Variants in ZNF419 observed in about 807,000 individuals in gnomAD.
ZNF419 encodes zinc finger protein 419.
ZNF419 carries 8 observed loss-of-function variants against 14.9 expected under a neutral mutation model. That is an observed-to-expected ratio of 0.54 (90% CI 0.32 to 0.97). The LOEUF is 0.97. Ranked by LOEUF, ZNF419 falls within the 50% of genes least tolerant of loss-of-function variation. ZNF419 has a pLI of 0.04. For missense variants in ZNF419, 595 were observed against 607.2 expected, an observed-to-expected ratio of 0.98 and a Z score of 0.21; for synonymous variants, 211 against 205.3, an observed-to-expected ratio of 1.03 and a Z score of -0.24.
intron 2 of ZNF419, chr19:57,491,070 A>C: frequency 4.9e-6 from 1 of 204,344 alleles, no homozygotes; most frequent in Non-Finnish European, 1.0e-5. Flanking sequence ...ACATGAGGTG[A>C]TGTAGAGGGT....
chr19:57,493,273 T>A lies in ZNF419; in HGVS notation c.716T>A (p.Leu239Ter). ...KTYECSECGK[L>*]FRDMSNLFIH... is the part of the protein sequence containing the mutation. The stretch of plus-strand genomic sequence containing the variant: ...TATGAATGCAGTGAATGTGGGAAGT[T>A]ATTTAGAGATATGTCCAACCTTTTT... The change falls in exon 5 of 5, where the codon TTA (leucine) becomes TAA (stop). Residue 239 changes from leucine (L) to a stop codon, truncating the protein, a stop_gained. Coordinates refer to ENST00000221735, the MANE Select transcript of ZNF419 (RefSeq NM_024691.4). LOFTEE classifies it low-confidence loss of function (END_TRUNC). The A allele has an allele frequency of 6.2e-7, 1 of 1,614,252 alleles. No homozygotes were observed. Among genetic ancestry groups the A allele is most frequent in the Non-Finnish European group, 8.5e-7 (1 of 1,180,048 alleles).
rs187902519 is a variant in ZNF419 at position 57,489,444 on chromosome 19, A to G, written c.34-703A>G. On this transcript the variant is annotated intron_variant, in intron 1 of 4. Transcript: ENST00000221735. ...AGTATCACATTCTTAATTTAAAAGT[A>G]AGTTTAAGAAACCCATATTTTCTTT... 2.0e-5 allele frequency: 3 copies of G among 152,152 alleles called. No homozygotes were observed. In the East Asian group the frequency reaches 5.8e-4, roughly 29 times the overall value. 9.4% of individuals were successfully genotyped at this position (152,152 alleles called of 1,614,324 possible).
In ZNF419 at chr19:57,495,837, A is replaced by G. The variant is rs1465640443; in HGVS notation, c.*1747A>G. The G allele has an allele frequency of 6.7e-6, 1 of 149,184 alleles. No individual in the cohort carries two copies. The highest frequency in any genetic ancestry group is 1.5e-5 in the Non-Finnish European group (1 of 67,356). 9.2% of individuals were successfully genotyped at this position (149,184 alleles called of 1,614,324 possible). A position where few individuals can be genotyped will look rare whatever the true frequency, so the allele number is the denominator to read the frequency against. On this transcript the variant is annotated 3_prime_UTR_variant, in exon 5 of 5. Transcript: ENST00000221735. The stretch of plus-strand genomic sequence containing the variant: ...AATATCCAACTTCTGAAATATTTGT[A>G]GGTTTAACTACAAATAAATAATTCA...
At position 57,493,712 on chromosome 19, in the gene ZNF419, C is replaced by G; in HGVS notation, c.1155C>G (p.Ser385Arg). 6.2e-7 allele frequency: 1 copy of G among 1,614,122 alleles called. No individual in the cohort carries two copies. The highest frequency in any genetic ancestry group is 8.5e-7 in the Non-Finnish European group (1 of 1,179,994). Residue 385 changes from serine (S) to arginine (R), a missense_variant, in exon 5 of 5, where the codon AGC (serine) becomes AGG (arginine). Transcript: ENST00000221735. ...DCGKFFTQCS[S>R]LMQHQKVHTG... The stretch of plus-strand genomic sequence containing the variant: ...GGAAATTTTTTACCCAATGCTCAAG[C>G]CTCATGCAACATCAAAAAGTTCACA...
intron 1 of ZNF419, chr19:57,488,696 C>A (rs1766899664): frequency 9.8e-5 from 15 of 152,352 alleles, no homozygotes; most frequent in Admixed American, 9.8e-4. Flanking sequence ...GCAGCTTGCC[C>A]ACTCACATCT....
intron 1 of ZNF419, chr19:57,488,756 T>C (rs904237154): frequency 2.6e-5 from 4 of 151,982 alleles, no homozygotes; most frequent in African/African-American, 9.7e-5. Context: ...TATGGGCTGG[T>C]TGGGTAGAGG....
At position 57,493,988 on chromosome 19, in the gene ZNF419, C is replaced by T. The variant is rs373316837; in HGVS notation, c.1431C>T (p.His477=). 4.3e-6 allele frequency: 7 copies of T among 1,614,124 alleles called. No homozygotes were observed. Among genetic ancestry groups the T allele is most frequent in the Non-Finnish European group, 5.9e-6 (7 of 1,180,052 alleles). Residue 477 remains histidine (H), a synonymous_variant, in exon 5 of 5, where the codon CAC becomes CAT. Coordinates refer to ENST00000221735, the MANE Select transcript of ZNF419 (RefSeq NM_024691.4). The part of the protein sequence containing the change: ...NSSLVKHQRV[H]TGAKPYECRE... ...GCCTTGTTAAACATCAGAGGGTTCACACTGGAGCAAAGCCTTATGAGTGCA... is the reference window on the plus strand; with the variant it reads ...GCCTTGTTAAACATCAGAGGGTTCATACTGGAGCAAAGCCTTATGAGTGCA...
chr19:57,491,854 C>T (rs2089493192), intron 3 of ZNF419: 1 of 677,852 alleles, frequency 1.5e-6, no homozygotes, highest in Non-Finnish European at 2.6e-6. Flanking sequence ...CCCTGGTGGC[C>T]TCTCTGTGGC....
In ZNF419 at chr19:57,494,370, ACT is replaced by A. The variant is rs1407724749; in HGVS notation, c.*283_*284del. 3 of 369,146 alleles carry A rather than the reference ACT, an allele frequency of 8.1e-6. No individual in the cohort carries two copies. The highest frequency in any genetic ancestry group is 4.3e-5 in the Admixed American group (1 of 23,350). 22.9% of individuals were successfully genotyped at this position (369,146 alleles called of 1,614,324 possible). A position where few individuals can be genotyped will look rare whatever the true frequency, so the allele number is the denominator to read the frequency against. ...CAATATGACCTCACTTAAAACAGAA[ACT>A]CTGAGGATGGCCTTTATGAGGGAGC... On this transcript the variant is annotated 3_prime_UTR_variant, in exon 5 of 5. Transcript: ENST00000221735.
rs768884408 is a variant in ZNF419 at position 57,492,214 on chromosome 19, A to G, written c.298+3A>G. ...TGTGACTTCAGCCATACCGAGAGGT[A>G]GTTGGTGGGTGGAGCTCAGGGAGGT... On this transcript the variant is annotated splice_donor_region_variant and intron_variant, in intron 4 of 4. Transcript: ENST00000221735. 39 of 1,614,096 alleles carry G rather than the reference A, an allele frequency of 2.4e-5. No individual in the cohort carries two copies. The highest frequency in any genetic ancestry group is 3.2e-5 in the Non-Finnish European group (38 of 1,179,994).
At position 57,488,000 on chromosome 19, in the gene ZNF419, C is replaced by T. The variant is rs549713481; in HGVS notation, c.33+17C>T. 15 of 1,613,518 alleles carry T rather than the reference C, an allele frequency of 9.3e-6. No homozygotes were observed. In the African/African-American group the frequency reaches 1.9e-4, roughly 20 times the overall value. The stretch of plus-strand genomic sequence containing the variant: ...CCCGCTCAGGTGAGCGCCGCGTCCT[C>T]CTGGCCTCCCCCGAATCCTAAAGCC... On this transcript the variant is annotated intron_variant, in intron 1 of 4. Transcript: ENST00000221735.
Position 57,493,120 on chromosome 19 carries a change from G to C in ZNF419, c.563G>C (p.Arg188Thr). 6.2e-7 allele frequency: 1 copy of C among 1,614,132 alleles called. No homozygotes were observed. The highest frequency in any genetic ancestry group is 8.5e-7 in the Non-Finnish European group (1 of 1,180,004). ...QVTHTGEKSHRSSKSREAFHA... is the reference protein window; with the variant it reads ...QVTHTGEKSHTSSKSREAFHA... ...ACTCACACAGGAGAGAAGTCACATA[G>C]GAGCTCCAAAAGTAGGGAGGCCTTT... The change falls in exon 5 of 5, where the codon AGG (arginine) becomes ACG (threonine). Residue 188 changes from arginine to threonine, a missense_variant. By Grantham distance (71) the Arg-to-Thr change is moderately conservative. Coordinates refer to ENST00000221735, the MANE Select transcript of ZNF419 (RefSeq NM_024691.4).
At chr19:57,491,959 A>G in intron 3 of ZNF419, 154 bp from the exon 4 acceptor site, 1 of 688,306 alleles carries the variant, frequency 1.5e-6, no homozygotes, top group East Asian at 2.7e-5. Context: ...TGTGCCAGCA[A>G]TTGAGTCACC....
rs1272887174 is a variant in ZNF419, at chr19:57,492,592, A to C, written c.299-264A>C. 9.3e-6 allele frequency: 7 copies of C among 750,496 alleles called. No individual in the cohort carries two copies. In the East Asian group the frequency reaches 1.8e-4, roughly 19 times the overall value. 46.5% of individuals were successfully genotyped at this position (750,496 alleles called of 1,614,324 possible). On this transcript the variant is annotated intron_variant, in intron 4 of 4. Transcript: ENST00000221735. ...CAAAGTCCTGTGGAAAGCCATTTGC[A>C]GAGGATTGTGTTGGGGACACTGCCT... is the stretch of plus-strand genomic sequence containing the variant.
Position 57,495,869 on chromosome 19 carries a change from A to G in ZNF419, c.*1779A>G, listed in dbSNP as rs2089603822. On this transcript the variant is annotated 3_prime_UTR_variant, in exon 5 of 5. Coordinates refer to ENST00000221735, the MANE Select transcript of ZNF419 (RefSeq NM_024691.4). The stretch of plus-strand genomic sequence containing the variant: ...ACTACAAATAAATAATTCAATATAT[A>G]GATAAATGTGTACATATTCCCTATC... 6.6e-6 allele frequency: 1 copy of G among 151,916 alleles called. No individual in the cohort carries two copies. The highest frequency in any genetic ancestry group is 2.1e-4 in the South Asian group (1 of 4,828). The allele number at this position is 151,916 out of a possible 1,614,324, so 9.4% of individuals were successfully genotyped here. A position where few individuals can be genotyped will look rare whatever the true frequency, so the allele number is the denominator to read the frequency against.
Position 57,494,197 on chromosome 19 carries a change from AG to A in ZNF419, c.*108del. The A allele has an allele frequency of 6.8e-7, 1 of 1,460,940 alleles. No individual in the cohort carries two copies. Among genetic ancestry groups the A allele is most frequent in the Non-Finnish European group, 9.2e-7 (1 of 1,090,278 alleles). The allele number at this position is 1,460,940 out of a possible 1,614,324, so 90.5% of individuals were successfully genotyped here. ...ATGGAAATCCGTTAGCCACACCTCC[AG>A]TCTCATTCAACACTGGACAGTTTAC... On this transcript the variant is annotated 3_prime_UTR_variant, in exon 5 of 5. Coordinates refer to ENST00000221735, the MANE Select transcript of ZNF419 (RefSeq NM_024691.4).
rs1354273219 is a variant in ZNF419, at chr19:57,492,156, A to G, written c.243A>G (p.Ser81=). The change falls in exon 4 of 5, where the codon TCA becomes TCG. Residue 81 remains serine, a synonymous_variant. Coordinates refer to ENST00000221735, the MANE Select transcript of ZNF419 (RefSeq NM_024691.4). ...SKTHEITQLE[S]WEEPFMPAWE... ...CCCATGAAATAACCCAGCTGGAGTC[A>G]TGGGAGGAGCCCTTCATGCCTGCTT... is the stretch of plus-strand genomic sequence containing the variant. 1.2e-6 allele frequency: 2 copies of G among 1,613,628 alleles called. No homozygotes were observed. Among genetic ancestry groups the G allele is most frequent in the Non-Finnish European group, 1.7e-6 (2 of 1,179,950 alleles).
chr19:57,489,973 G>T (rs748754787), intron 1 of ZNF419, 174 bp from the exon 2 acceptor site: 48 of 609,424 alleles, frequency 7.9e-5, no homozygotes, highest in Non-Finnish European at 1.2e-4. Context: ...CAACACCAAG[G>T]CACAGGGAAG....
intron 1 of ZNF419, chr19:57,488,349 T>G (rs141683327): frequency 0.028 from 8,655 of 310,300 alleles, 428 homozygotes; most frequent in African/African-American, 0.12. Flanking sequence ...GCCCTTCAAG[T>G]CAAAACAGAC....
Sources: gnomAD v4.1 joint callset for allele counts on GRCh38, gnomAD v4.1.1 for gene constraint, MANE v1.5 for transcripts, NCBI Gene and HGNC (gene_info 2026-07-23, HGNC 2026-07-21) for gene names.